CDH12: variants seen among roughly 807,000 people sequenced by gnomAD.
CDH12 encodes the protein cadherin-12.
CDH12 carries 41 observed loss-of-function variants against 74.1 expected under a neutral mutation model. That is an observed-to-expected ratio of 0.55 (90% CI 0.43 to 0.72). CDH12 has a LOEUF of 0.72. Among genes scored for constraint, CDH12 ranks in the 30% least tolerant of loss-of-function variants. The pLI, the probability that CDH12 is intolerant of heterozygous loss-of-function variation, is 0.00. For synonymous variants in CDH12, 399 were observed against 355.0 expected (o/e 1.12, Z -1.39); for missense variants, 945 against 977.2 (o/e 0.97, Z 0.44).
At chr5:22,074,614 C>A (rs535140767) in intron 5 of CDH12, among the ~76,000 whole-genome samples, 1 of 152,026 alleles carries the variant, frequency 6.6e-6, no homozygotes, top group Non-Finnish European at 1.5e-5. Context: ...AACAAACTTA[C>A]AAGAAAACAA....
In CDH12 at chr5:22,840,188, T is replaced by C. The variant is rs1181951733; in HGVS notation, c.-523+12870A>G. 2.0e-5 allele frequency among the ~76,000 whole-genome samples: 3 copies of C among 152,330 alleles called. No individual in the cohort carries two copies. The East Asian group carries it at 5.8e-4, about 29-fold the overall frequency. ...CAGGCTGGAGTGCGGTTGCACGATC[T>C]TGGCGCGCTGCAACCTCTGCCTCCT... On this transcript the variant is annotated intron_variant, in intron 1 of 14. Transcript: ENST00000382254.
chr5:21,898,949 G>A (rs1022300689), intron 6 of CDH12, among the ~76,000 whole-genome samples: 16 of 152,146 alleles, frequency 1.1e-4, no homozygotes, highest in East Asian at 1.9e-4. Flanking sequence ...TTCATGGCCC[G>A]AAACTCTGTT....
At chr5:22,758,412 C>T (rs1259872921) in intron 1 of CDH12, among the ~76,000 whole-genome samples, 3 of 152,134 alleles carry the variant, frequency 2.0e-5, no homozygotes, top group Non-Finnish European at 4.4e-5. Flanking sequence ...TGTGTCCTCG[C>T]TTGCCACCCC....
At chr5:21,877,831 C>T (rs1752020165) in intron 6 of CDH12, among the ~76,000 whole-genome samples, 1 of 152,142 alleles carries the variant, frequency 6.6e-6, no homozygotes, top group South Asian at 2.1e-4. Context: ...CTTTCCATTA[C>T]CAGATAGAGC....
At chr5:22,380,426 C>CT (rs1290230654) in intron 3 of CDH12, among the ~76,000 whole-genome samples, 2 of 151,884 alleles carry the variant, frequency 1.3e-5, no homozygotes, top group Non-Finnish European at 2.9e-5. Flanking sequence ...CACAAAATGC[C>CT]TTTTTTAACA....
intron 10 of CDH12, among the ~76,000 whole-genome samples, chr5:21,795,238 A>C (rs1200181705): frequency 6.6e-6 from 1 of 151,078 alleles, no homozygotes; most frequent in Non-Finnish European, 1.5e-5. Flanking sequence ...ATTTCCTATC[A>C]GTTAATTATT....
chr5:22,791,381 C>A (rs1414321154), intron 1 of CDH12, among the ~76,000 whole-genome samples: 2 of 152,100 alleles, frequency 1.3e-5, no homozygotes, highest in East Asian at 3.9e-4. Flanking sequence ...CAATTTGGAG[C>A]ACAACCATGA....
At chr5:22,134,133 C>T (rs532321433) in intron 4 of CDH12, among the ~76,000 whole-genome samples, 3 of 152,166 alleles carry the variant, frequency 2.0e-5, no homozygotes, top group African/African-American at 4.8e-5. Context: ...GTTTACCAAG[C>T]TAGCGTGACC....
At chr5:22,235,623 TATA>T (rs1453621721) in intron 3 of CDH12, among the ~76,000 whole-genome samples, 4 of 152,046 alleles carry the variant, frequency 2.6e-5, no homozygotes. Flanking sequence ...AATTATCTTA[TATA>T]ATATTCCTTC....
chr5:22,555,237 TG>T (rs2126739918), intron 1 of CDH12, among the ~76,000 whole-genome samples: 1 of 152,116 alleles, frequency 6.6e-6, no homozygotes, highest in African/African-American at 2.4e-5. Flanking sequence ...AACAAAAAAT[TG>T]TATTTTTTTC....
chr5:22,415,491 C>G (rs1219094090), intron 2 of CDH12, among the ~76,000 whole-genome samples: 1 of 152,166 alleles, frequency 6.6e-6, no homozygotes, highest in African/African-American at 2.4e-5. Context: ...GTAACAAAGG[C>G]TTGAAAAGTT....
At chr5:21,930,234 G>A (rs1450406368) in intron 6 of CDH12, among the ~76,000 whole-genome samples, 1 of 152,134 alleles carries the variant, frequency 6.6e-6, no homozygotes, top group East Asian at 1.9e-4. Flanking sequence ...AGATTGATTG[G>A]TAATTCTGAG....
chr5:21,850,624 T>A (rs1750413758), intron 7 of CDH12, among the ~76,000 whole-genome samples: 1 of 151,470 alleles, frequency 6.6e-6, no homozygotes, highest in South Asian at 2.1e-4. Flanking sequence ...GGAGGAGGTT[T>A]CGTTGGGAGA....
At chr5:22,156,534 G>A (rs1483195084) in intron 4 of CDH12, among the ~76,000 whole-genome samples, 1 of 151,968 alleles carries the variant, frequency 6.6e-6, no homozygotes, top group African/African-American at 2.4e-5. Context: ...CATATTTGCT[G>A]TCTTTAAATC....
At chr5:21,841,615 C>T (rs1447223584) in intron 8 of CDH12, among the ~76,000 whole-genome samples, 2 of 150,726 alleles carry the variant, frequency 1.3e-5, no homozygotes. Flanking sequence ...ACCCAAATGT[C>T]CAACAATGAT....
Position 21,751,604 on chromosome 5 carries a change from C to G in CDH12, c.*133G>C. On this transcript the variant is annotated 3_prime_UTR_variant, in exon 15 of 15. Transcript: ENST00000382254. ...AACCAGGTAATCAAAGGAATCTTGT[C>G]CCAGAGTGTGTGTGTGTGTGTGTGT... The G allele has an allele frequency of 4.1e-6, 1 of 245,606 alleles. No individual in the cohort carries two copies. The highest frequency in any genetic ancestry group is 6.8e-6 in the Non-Finnish European group (1 of 146,518). The allele number at this position is 245,606 out of a possible 1,614,324, so 15.2% of individuals were successfully genotyped here.
intron 5 of CDH12, among the ~76,000 whole-genome samples, chr5:22,042,229 C>G (rs1739624600): frequency 6.7e-6 from 1 of 150,304 alleles, no homozygotes; most frequent in South Asian, 2.1e-4. Flanking sequence ...AATAAACAAC[C>G]TAACATTGTA....
chr5:22,469,963 A>C (rs2126603357), intron 2 of CDH12, among the ~76,000 whole-genome samples: 1 of 152,324 alleles, frequency 6.6e-6, no homozygotes, highest in Middle Eastern at 3.4e-3. Flanking sequence ...GTAAGTCTGC[A>C]TGTCTTTTTT....
chr5:22,373,280 C>G (rs1741376491), intron 3 of CDH12, among the ~76,000 whole-genome samples: 3 of 152,208 alleles, frequency 2.0e-5, no homozygotes, highest in African/African-American at 7.2e-5. Flanking sequence ...GCATGAGCCA[C>G]CTGTGTGGAC....
Sources: allele counts gnomAD v4.1 joint callset (sites outside exome capture counted in the v4.1 genomes callset), GRCh38; gene constraint gnomAD v4.1.1; transcripts MANE v1.5; gene names NCBI Gene and HGNC (gene_info 2026-07-23, HGNC 2026-07-21).